The following SERINC5 variants were observed in gnomAD, a reference collection of about 807,000 sequenced individuals.
SERINC5 encodes serine incorporator 5.
SERINC5 carries 41 observed loss-of-function variants against 63.1 expected under a neutral mutation model. That is an observed-to-expected ratio of 0.65 (90% CI 0.51 to 0.84). The LOEUF (loss-of-function observed/expected upper bound fraction) is 0.84. SERINC5 is among the 40% of genes least tolerant of loss of function. The pLI, the probability that SERINC5 is intolerant of heterozygous loss-of-function variation, is 0.00. For missense variants in SERINC5, 523 were observed against 573.0 expected, an observed-to-expected ratio of 0.91 and a Z score of 0.89; for synonymous variants, 222 against 215.2, an observed-to-expected ratio of 1.03 and a Z score of -0.28.
At chr5:80,144,332 G>A (rs2112297258) in intron 11 of SERINC5, among the ~76,000 whole-genome samples, 2 of 152,232 alleles carry the variant, frequency 1.3e-5, no homozygotes, top group South Asian at 4.1e-4. Flanking sequence ...TGTAAGTTTT[G>A]TGGACCTAGT....
intron 2 of SERINC5, among the ~76,000 whole-genome samples, chr5:80,181,651 T>C (rs1748435826): frequency 6.8e-6 from 1 of 146,386 alleles, no homozygotes; most frequent in South Asian, 2.2e-4. Flanking sequence ...TGTACATTTT[T>C]TATGACTTTT....
At chr5:80,228,005 T>C (rs1751245369) in intron 1 of SERINC5, among the ~76,000 whole-genome samples, 1 of 150,720 alleles carries the variant, frequency 6.6e-6, no homozygotes, top group Non-Finnish European at 1.5e-5. Context: ...GTGGATCACT[T>C]GAGCCCAAGA....
intron 2 of SERINC5, among the ~76,000 whole-genome samples, chr5:80,188,848 A>C (rs1749001395): frequency 6.6e-6 from 1 of 152,184 alleles, no homozygotes; most frequent in Non-Finnish European, 1.5e-5. Flanking sequence ...GGATCACTTC[A>C]GCCCAGAAGG....
At chr5:80,153,179 C>T (rs1369318383) in intron 8 of SERINC5, among the ~76,000 whole-genome samples, 1 of 151,928 alleles carries the variant, frequency 6.6e-6, no homozygotes, top group Non-Finnish European at 1.5e-5. Context: ...ATTCAGTTGC[C>T]GGGCGTGGTG....
chr5:80,192,373 A>G (rs1002837325), intron 2 of SERINC5, among the ~76,000 whole-genome samples: 8 of 151,706 alleles, frequency 5.3e-5, no homozygotes, highest in African/African-American at 1.7e-4. Flanking sequence ...TCCCTTCCTC[A>G]GGGCTGTCCT....
chr5:80,171,097 G>A (rs1484020764), intron 5 of SERINC5, among the ~76,000 whole-genome samples: 3 of 151,856 alleles, frequency 2.0e-5, no homozygotes, highest in South Asian at 2.1e-4. Flanking sequence ...TGCAACCCCC[G>A]CCTCCCAGGT....
chr5:80,225,959 T>C (rs1443869282), intron 1 of SERINC5, among the ~76,000 whole-genome samples: 3 of 152,068 alleles, frequency 2.0e-5, no homozygotes, highest in African/African-American at 4.8e-5. Flanking sequence ...AAGTAATAGT[T>C]ACCTATCATT....
chr5:80,211,457 T>G (rs180864591), intron 1 of SERINC5, among the ~76,000 whole-genome samples: 1 of 152,210 alleles, frequency 6.6e-6, no homozygotes, highest in African/African-American at 2.4e-5. Flanking sequence ...TTAATGACTA[T>G]GCCTCTATCA....
Position 80,166,857 on chromosome 5 carries a change from G to C in SERINC5, c.764-379C>G, listed in dbSNP as rs571712968. 1.4e-4 allele frequency: 28 copies of C among 200,764 alleles called. No homozygotes were observed. The South Asian group carries it at 1.9e-3, about 13-fold the overall frequency. 12.4% of individuals were successfully genotyped at this position (200,764 alleles called of 1,614,324 possible). ...TTGATAAAACCACATAGCTTAATTG[G>C]GGAGGGGAGTAAGTGGTAAACCAGA... On this transcript the variant is annotated intron_variant, in intron 6 of 11. Transcript: ENST00000507668.
intron 1 of SERINC5, among the ~76,000 whole-genome samples, chr5:80,251,290 G>GCATACATACATACATA (rs201874043): frequency 3.0e-5 from 3 of 98,566 alleles, no homozygotes; most frequent in East Asian, 5.0e-4. Flanking sequence ...ATACATACAT[G>GCATACATACATACATA]CATACATACA....
At chr5:80,200,331 A>C (rs1749750450) in intron 2 of SERINC5, among the ~76,000 whole-genome samples, 1 of 151,042 alleles carries the variant, frequency 6.6e-6, no homozygotes, top group South Asian at 2.1e-4. Context: ...ACAAAAAAAA[A>C]AAAAATTAGC....
chr5:80,156,237 CG>C (rs1480231498), intron 8 of SERINC5, among the ~76,000 whole-genome samples: 1 of 152,184 alleles, frequency 6.6e-6, no homozygotes, highest in Non-Finnish European at 1.5e-5. Flanking sequence ...AGTTCCCACA[CG>C]GACGATGTGG....
chr5:80,146,936 C>T (rs1184823512), intron 10 of SERINC5, among the ~76,000 whole-genome samples: 1 of 152,152 alleles, frequency 6.6e-6, no homozygotes, highest in East Asian at 1.9e-4. Flanking sequence ...GGTGTCAGGA[C>T]CTCTTGGTAT....
At chr5:80,198,294 A>T (rs1268332918) in intron 2 of SERINC5, among the ~76,000 whole-genome samples, 1 of 152,176 alleles carries the variant, frequency 6.6e-6, no homozygotes, top group Non-Finnish European at 1.5e-5. Context: ...TGCCTTATTC[A>T]ACCAGCACAG....
chr5:80,116,271 T>A (rs567146148), intron 11 of SERINC5: 273 of 455,498 alleles, frequency 6.0e-4, no homozygotes, highest in South Asian at 4.1e-3. Context: ...TTCCATCCCC[T>A]CTTGCAAAAA....
At chr5:80,165,973 T>C (rs948257708) in intron 7 of SERINC5, among the ~76,000 whole-genome samples, 2 of 152,236 alleles carry the variant, frequency 1.3e-5, no homozygotes, top group Admixed American at 1.3e-4. Flanking sequence ...ACTTAATTTT[T>C]GTGGATACAT....
intron 8 of SERINC5, among the ~76,000 whole-genome samples, chr5:80,153,181 G>T (rs116181991): frequency 0.022 from 3,416 of 152,158 alleles, 131 homozygotes; most frequent in African/African-American, 0.077. Context: ...TCAGTTGCCG[G>T]GCGTGGTGGC....
intron 7 of SERINC5, among the ~76,000 whole-genome samples, chr5:80,164,970 T>C (rs928545869): frequency 2.9e-5 from 4 of 139,952 alleles, no homozygotes; most frequent in Admixed American, 7.6e-5. Flanking sequence ...TCTCAGCTCC[T>C]GGCTGCAAGC....
At chr5:80,127,597 A>G (rs1744793359) in intron 11 of SERINC5, among the ~76,000 whole-genome samples, 1 of 152,204 alleles carries the variant, frequency 6.6e-6, no homozygotes, top group Non-Finnish European at 1.5e-5. Flanking sequence ...GCCTTTATGC[A>G]TTGAAATAAA....
Sources: allele counts gnomAD v4.1 joint callset (sites outside exome capture counted in the v4.1 genomes callset), GRCh38; gene constraint gnomAD v4.1.1; transcripts MANE v1.5; gene names NCBI Gene and HGNC (gene_info 2026-07-23, HGNC 2026-07-21).